Variants in LHPP observed in about 807,000 individuals in gnomAD.
The protein encoded by LHPP is hLHPP.
Under a neutral mutation model 30.3 loss-of-function variants are expected in LHPP, and 24 were observed. The ratio of observed to expected loss-of-function variants is 0.79; its 90% CI spans 0.57 to 1.11. The LOEUF (loss-of-function observed/expected upper bound fraction) is 1.11. Ranked by LOEUF, LHPP falls within the 50% of genes most tolerant of loss-of-function variation. The probability of loss-of-function intolerance (pLI) is 0.00; values close to 1 mark genes in which losing one functional copy is unlikely to be tolerated. For synonymous variants in LHPP, 150 were observed against 157.1 expected (o/e 0.95, Z 0.34); for missense variants, 356 against 367.2 (o/e 0.97, Z 0.25).
intron 1 of LHPP, among the ~76,000 whole-genome samples, chr10:124,483,336 C>T (rs1953202333): frequency 6.6e-6 from 1 of 152,172 alleles, no homozygotes; most frequent in South Asian, 2.1e-4. Context: ...TGGACGTGTG[C>T]AGCTCACTTG....
intron 6 of LHPP, among the ~76,000 whole-genome samples, chr10:124,550,250 G>A (rs1955448499): frequency 6.6e-6 from 1 of 152,252 alleles, no homozygotes; most frequent in Admixed American, 6.5e-5. Context: ...GTGTCTTATG[G>A]CCTCTGCCCC....
rs191977808 is a variant in LHPP, at chr10:124,493,406, C to T, written c.468-3555C>T. ...GCGGGACACAGGGGCACAGGCTGAG[C>T]GGTGCCCACCAAGGAGGCAGGAGCA... is the stretch of plus-strand genomic sequence containing the variant. On this transcript the variant is annotated intron_variant, in intron 3 of 6. Coordinates refer to ENST00000368842, the MANE Select transcript of LHPP (RefSeq NM_022126.4). Among the ~76,000 whole-genome samples, 434 of 152,276 alleles carry T rather than the reference C, an allele frequency of 2.9e-3. 7 individuals carry two copies. The highest frequency in any genetic ancestry group is 3.4e-3 in the Middle Eastern group (1 of 294).
chr10:124,469,295 C>T (rs1203958466), intron 1 of LHPP, among the ~76,000 whole-genome samples: 3 of 152,186 alleles, frequency 2.0e-5, no homozygotes, highest in East Asian at 1.9e-4. Context: ...TCTGAGCCTG[C>T]GAGGGGCGAC....
chr10:124,477,684 A>G (rs2133834553), intron 1 of LHPP, among the ~76,000 whole-genome samples: 1 of 152,300 alleles, frequency 6.6e-6, no homozygotes, highest in East Asian at 1.9e-4. Context: ...AGGATTCTAG[A>G]GAGCATCTGG....
At chr10:124,555,398 C>T (rs569050402) in intron 6 of LHPP, among the ~76,000 whole-genome samples, 67 of 152,280 alleles carry the variant, frequency 4.4e-4, no homozygotes, top group African/African-American at 1.6e-3. Flanking sequence ...AGGGAGGGTC[C>T]CTGCCTTACA....
intron 6 of LHPP, among the ~76,000 whole-genome samples, chr10:124,578,102 G>A (rs113164727): frequency 1.3e-4 from 20 of 152,276 alleles, no homozygotes; most frequent in Admixed American, 3.9e-4. Context: ...CACCTGAGTC[G>A]CTCTTCCTCC....
At chr10:124,539,919 A>T (rs1589843892) in intron 6 of LHPP, among the ~76,000 whole-genome samples, 1 of 152,274 alleles carries the variant, frequency 6.6e-6, no homozygotes, top group African/African-American at 2.4e-5. Context: ...TAAAATAGAC[A>T]TAATAAGAGT....
chr10:124,483,735 CGACA>C (rs1269219518), intron 1 of LHPP, among the ~76,000 whole-genome samples: 2 of 150,728 alleles, frequency 1.3e-5, no homozygotes, highest in Non-Finnish European at 2.9e-5. Context: ...CCAGCCTGGG[CGACA>C]AGAGCGAGAC....
intron 6 of LHPP, among the ~76,000 whole-genome samples, chr10:124,543,337 G>A (rs753472715): frequency 3.9e-5 from 6 of 152,224 alleles, no homozygotes; most frequent in Non-Finnish European, 5.9e-5. Flanking sequence ...ACCCCCGGTC[G>A]GCCCAGGTGC....
rs1405538663 is a variant in LHPP, at chr10:124,592,880, C to T, written c.717-20384C>T. On this transcript the variant is annotated intron_variant, in intron 6 of 6. Transcript: ENST00000368842. The surrounding 1 kb of genome is among the most constrained non-coding windows in gnomAD (Gnocchi z 6.2). ...GGAGCCCGGGCAGCTTGGATGGGGT[C>T]CCTGTGGGCACAATCGGCCCAGTGT... Among the ~76,000 whole-genome samples, 1 of 152,238 alleles carries T rather than the reference C, an allele frequency of 6.6e-6. No homozygotes were observed. The highest frequency in any genetic ancestry group is 1.5e-5 in the Non-Finnish European group (1 of 68,038).
intron 6 of LHPP, among the ~76,000 whole-genome samples, chr10:124,553,449 CTTTTTTTTTTTTTT>C (rs35840555): frequency 4.9e-5 from 3 of 61,612 alleles, no homozygotes; most frequent in Admixed American, 2.7e-4. Context: ...TACAGCCATT[CTTTTTTTTTTTTTT>C]TTTTTTTTTT....
Position 124,590,671 on chromosome 10 carries a change from G to T in LHPP, c.717-22593G>T, listed in dbSNP as rs1948872523. On this transcript the variant is annotated intron_variant, in intron 6 of 6. Transcript: ENST00000368842. This position sits in a 1 kb window ranked among gnomAD's most constrained non-coding sequence, Gnocchi z 4.3. ...CCTGTCCCACAGTGGCACCAACAAG[G>T]CTCAGCTGAGCCCTTGCCAGAGGAG... is the stretch of plus-strand genomic sequence containing the variant. 6.6e-6 allele frequency among the ~76,000 whole-genome samples: 1 copy of T among 152,164 alleles called. No individual in the cohort carries two copies.
chr10:124,613,262 A>C lies in LHPP; in HGVS notation c.717-2A>C. On this transcript the variant is annotated splice_acceptor_variant, in intron 6 of 6. Coordinates refer to ENST00000368842, the MANE Select transcript of LHPP (RefSeq NM_022126.4). LOFTEE classifies it high-confidence loss of function. ...TGACTAACCTCCGGCCATCCTCTCC[A>C]GGCCCAGTGACGAGCACCATCCGGA... 6.2e-7 allele frequency: 1 copy of C among 1,612,266 alleles called. No homozygotes were observed. The highest frequency in any genetic ancestry group is 8.5e-7 in the Non-Finnish European group (1 of 1,178,928).
Position 124,521,382 on chromosome 10 carries a change from C to G in LHPP, c.716+4111C>G, listed in dbSNP as rs79587151. On this transcript the variant is annotated intron_variant, in intron 6 of 6. Transcript: ENST00000368842. ...CACCTCAGCACGGCCCCATTCTGCACAGCGGTGAGCCCCCCAGGGGCAGCA... is the reference window on the plus strand; with the variant it reads ...CACCTCAGCACGGCCCCATTCTGCAGAGCGGTGAGCCCCCCAGGGGCAGCA... 5.8e-3 allele frequency among the ~76,000 whole-genome samples: 881 copies of G among 152,356 alleles called. 11 individuals carry two copies. Among genetic ancestry groups the G allele is most frequent in the African/African-American group, 0.019 (806 of 41,594 alleles).
intron 6 of LHPP, among the ~76,000 whole-genome samples, chr10:124,570,817 CTGAG>C (rs1233694363): frequency 6.6e-6 from 1 of 152,206 alleles, no homozygotes; most frequent in Non-Finnish European, 1.5e-5. Context: ...CTTTTTGTGG[CTGAG>C]TAATATTCCA....
At chr10:124,554,345 A>C (rs1948249254) in intron 6 of LHPP, among the ~76,000 whole-genome samples, 1 of 152,056 alleles carries the variant, frequency 6.6e-6, no homozygotes, top group Admixed American at 6.5e-5. Flanking sequence ...GACTACTGGC[A>C]TGCACCACCA....
chr10:124,546,916 C>CA (rs1238751429), intron 6 of LHPP, among the ~76,000 whole-genome samples: 5 of 152,316 alleles, frequency 3.3e-5, no homozygotes, highest in Middle Eastern at 3.4e-3. Flanking sequence ...ACATCACACA[C>CA]ACGCTGCTCT....
At chr10:124,582,527 G>A (rs1042652709) in intron 6 of LHPP, among the ~76,000 whole-genome samples, 2 of 152,122 alleles carry the variant, frequency 1.3e-5, no homozygotes, top group Admixed American at 6.5e-5. Flanking sequence ...AGTTAAGGGT[G>A]CTTGCTGCCT....
intron 6 of LHPP, among the ~76,000 whole-genome samples, chr10:124,581,837 A>G (rs928127082): frequency 1.3e-5 from 2 of 152,140 alleles, no homozygotes; most frequent in Admixed American, 6.5e-5. Flanking sequence ...GCTGGAGTGC[A>G]GTGGCACAAT....
Sources: gnomAD v4.1 joint callset for allele counts (sites outside exome capture counted in the v4.1 genomes callset) on GRCh38, gnomAD v4.1.1 for gene constraint, Gnocchi (gnomAD v3.1) non-coding constraint, MANE v1.5 for transcripts, NCBI Gene and HGNC (gene_info 2026-07-23, HGNC 2026-07-21) for gene names.